Variants in NYAP2 observed in about 807,000 individuals in gnomAD.
NYAP2 encodes the protein neuronal tyrosine-phosphorylated phosphoinositide-3-kinase adaptor 2.
NYAP2 carries 23 observed loss-of-function variants against 50.4 expected under a neutral mutation model. That is an observed-to-expected ratio of 0.46 (90% CI 0.33 to 0.65). The LOEUF is 0.65. Among genes scored for constraint, NYAP2 ranks in the 30% least tolerant of loss-of-function variants. The pLI is 0.02. For synonymous variants in NYAP2, 394 were observed against 365.2 expected (o/e 1.08, Z -0.90); for missense variants, 885 against 861.0 (o/e 1.03, Z -0.35).
Position 225,582,660 on chromosome 2 carries a change from C to CA in NYAP2, c.1243_1244insA (p.Pro415HisfsTer17). On this transcript the variant is annotated frameshift_variant, in exon 5 of 7. Coordinates refer to ENST00000636099, the Ensembl canonical transcript of NYAP2. LOFTEE classifies it high-confidence loss of function. This position sits in a 1 kb window ranked among gnomAD's most constrained non-coding sequence, Gnocchi z 7.0. ...CACCCCTGCGCTCTCCTCGTCGCCC[C>CA]CACCCCCGTCTACGCTGTACCGAAC... The CA allele has an allele frequency of 6.3e-7, 1 of 1,596,778 alleles. No homozygotes were observed. The highest frequency in any genetic ancestry group is 1.3e-5 in the African/African-American group (1 of 74,542).
intron 4 of NYAP2, among the ~76,000 whole-genome samples, chr2:225,547,695 A>C (rs1691608168): frequency 6.6e-6 from 1 of 152,218 alleles, no homozygotes; most frequent in Non-Finnish European, 1.5e-5. Flanking sequence ...ATGGGGAAGA[A>C]GTGGCATCAG....
intron 3 of NYAP2, among the ~76,000 whole-genome samples, chr2:225,436,457 G>A (rs1270196006): frequency 6.6e-6 from 1 of 151,972 alleles, no homozygotes; most frequent in Admixed American, 6.6e-5. Flanking sequence ...TCTTTACCTG[G>A]CATTTTCCCC....
intron 3 of NYAP2, among the ~76,000 whole-genome samples, chr2:225,460,766 A>G (rs1197391509): frequency 7.2e-5 from 11 of 152,170 alleles, no homozygotes; most frequent in Admixed American, 5.9e-4. Flanking sequence ...ATACCCATCA[A>G]TAAGTGACCA....
At chr2:225,515,254 T>C (rs1690907219) in intron 4 of NYAP2, among the ~76,000 whole-genome samples, 1 of 152,258 alleles carries the variant, frequency 6.6e-6, no homozygotes, top group Admixed American at 6.5e-5. Context: ...AATATGTATG[T>C]GTTTGCATAT....
the NYAP2 span, chr2:225,701,299 C>T: frequency 6.6e-6 from 1 of 151,764 alleles, no homozygotes; most frequent in East Asian, 1.9e-4. Context: ...ATAGCCAGAA[C>T]ACTATGCCAT....
At chr2:225,615,231 C>T (rs1692968351) in intron 5 of NYAP2, among the ~76,000 whole-genome samples, 1 of 152,150 alleles carries the variant, frequency 6.6e-6, no homozygotes, top group Non-Finnish European at 1.5e-5. Context: ...TGTGGCTAGT[C>T]TCTTGACTTC....
chr2:225,614,061 G>A (rs946433977), intron 5 of NYAP2, among the ~76,000 whole-genome samples: 1 of 152,060 alleles, frequency 6.6e-6, no homozygotes, highest in Non-Finnish European at 1.5e-5. Flanking sequence ...TCAAATCCAC[G>A]ATTGTATCTG....
intron 3 of NYAP2, among the ~76,000 whole-genome samples, chr2:225,446,126 A>G (rs1237426358): frequency 6.6e-6 from 1 of 151,390 alleles, no homozygotes; most frequent in Non-Finnish European, 1.5e-5. Flanking sequence ...GGTTGCAGTG[A>G]GCCCAGATTG....
intron 3 of NYAP2, among the ~76,000 whole-genome samples, chr2:225,427,810 A>G (rs1373527875): frequency 6.6e-6 from 1 of 152,200 alleles, no homozygotes; most frequent in Non-Finnish European, 1.5e-5. Context: ...CTTTTGAACA[A>G]ATGAGAATCT....
intron 3 of NYAP2, among the ~76,000 whole-genome samples, chr2:225,448,477 C>G (rs1447564269): frequency 1.3e-5 from 2 of 152,160 alleles, no homozygotes; most frequent in Non-Finnish European, 2.9e-5. Flanking sequence ...TGTGCCCATC[C>G]TTATTAATTT....
chr2:225,496,075 C>G (rs370520553), intron 3 of NYAP2, among the ~76,000 whole-genome samples: 14 of 152,210 alleles, frequency 9.2e-5, no homozygotes, highest in Admixed American at 5.2e-4. Flanking sequence ...TTTAGGAAGA[C>G]AAGATTTACA....
chr2:225,447,597 G>T (rs1378625882), intron 3 of NYAP2, among the ~76,000 whole-genome samples: 8 of 152,060 alleles, frequency 5.3e-5, no homozygotes, highest in African/African-American at 1.7e-4. Flanking sequence ...AAACTTGAAG[G>T]TTAGAACCTC....
the NYAP2 span, among the ~76,000 whole-genome samples, chr2:225,670,936 T>TA: frequency 6.6e-6 from 1 of 152,080 alleles, no homozygotes; most frequent in Non-Finnish European, 1.5e-5. Context: ...ATACCTTAAT[T>TA]AAAAAAATAC....
intron 3 of NYAP2, among the ~76,000 whole-genome samples, chr2:225,441,723 T>G (rs2106141198): frequency 6.6e-6 from 1 of 152,202 alleles, no homozygotes; most frequent in South Asian, 2.1e-4. Context: ...GCCTCCACGA[T>G]CCAATCACCT....
At chr2:225,527,022 T>A (rs925433516) in intron 4 of NYAP2, among the ~76,000 whole-genome samples, 7 of 152,168 alleles carry the variant, frequency 4.6e-5, no homozygotes, top group African/African-American at 1.7e-4. Flanking sequence ...GGCTCATGAA[T>A]GAAACAGTTT....
At chr2:225,696,566 T>G in the NYAP2 span, among the ~76,000 whole-genome samples, 1 of 152,054 alleles carries the variant, frequency 6.6e-6, no homozygotes, top group African/African-American at 2.4e-5. Flanking sequence ...ACCTGCCCTT[T>G]CCCTAAATGA....
intron 5 of NYAP2, among the ~76,000 whole-genome samples, chr2:225,590,187 C>G (rs1168732685): frequency 2.0e-5 from 3 of 152,154 alleles, no homozygotes; most frequent in Non-Finnish European, 4.4e-5. Context: ...GTTGGTTGCT[C>G]CTCTGCCGAG....
At chr2:225,436,861 T>A (rs1405782938) in intron 3 of NYAP2, among the ~76,000 whole-genome samples, 1 of 152,054 alleles carries the variant, frequency 6.6e-6, no homozygotes, top group Non-Finnish European at 1.5e-5. Context: ...TTTGTCCTGT[T>A]CCTGCTGAAA....
At chr2:225,625,600 G>A (rs143041238) in intron 5 of NYAP2, among the ~76,000 whole-genome samples, 5 of 152,074 alleles carry the variant, frequency 3.3e-5, no homozygotes, top group Non-Finnish European at 5.9e-5. Flanking sequence ...AAGGAGGGGT[G>A]GTAATAGCTG....
Sources: gnomAD v4.1 joint callset for allele counts (sites outside exome capture counted in the v4.1 genomes callset) on GRCh38, gnomAD v4.1.1 for gene constraint, Gnocchi (gnomAD v3.1) non-coding constraint, MANE v1.5 for transcripts, NCBI Gene and HGNC (gene_info 2026-07-23, HGNC 2026-07-21) for gene names.